The following EP400 variants were observed in gnomAD, a reference collection of about 807,000 sequenced individuals.
The protein encoded by EP400 is E1A binding protein p400.
A neutral mutation model predicts 354.1 loss-of-function variants in EP400; 105 were observed. The ratio of observed to expected loss-of-function variants is 0.30; its 90% confidence interval spans 0.25 to 0.35. The LOEUF is 0.35. Ranked by LOEUF, EP400 falls within the 10% of genes least tolerant of loss-of-function variation. The pLI is 1.00. For synonymous variants in EP400, 1,646 were observed against 1,716.9 expected (o/e 0.96, Z 1.02); for missense variants, 3,280 against 4,121.0 (o/e 0.80, Z 5.59).
intron 46 of EP400, 59 bp downstream of exon 46, chr12:132,062,382 C>T: frequency 6.2e-7 from 1 of 1,610,582 alleles, no homozygotes; most frequent in Non-Finnish European, 8.5e-7. Flanking sequence ...TGTGAGGGCT[C>T]AGCTGCTGCT....
chr12:132,026,795 TC>T (rs1894321833), intron 25 of EP400, among the ~76,000 whole-genome samples: 1 of 152,132 alleles, frequency 6.6e-6, no homozygotes, highest in African/African-American at 2.4e-5. Context: ...CTCTTGTTTT[TC>T]CCTAAGGTGA....
At position 131,995,079 on chromosome 12, in the gene EP400, C is replaced by T. The variant is rs564166616; in HGVS notation, c.2827+123C>T. Reference sequence around the variant, plus strand: ...AGTGCCTGTTTTATGGAAAACAGTCCCTGTGTGCCTCCTGCTGCTCTCTCT... The same window carrying T: ...AGTGCCTGTTTTATGGAAAACAGTCTCTGTGTGCCTCCTGCTGCTCTCTCT... On this transcript the variant is annotated intron_variant, in intron 12 of 52. Coordinates refer to ENST00000389561, the MANE Select transcript of EP400 (RefSeq NM_015409.5). 6.7e-5 allele frequency: 59 copies of T among 885,094 alleles called. No homozygotes were observed. The African/African-American group carries it at 9.3e-4, about 14-fold the overall frequency. The allele number at this position is 885,094 out of a possible 1,614,324, so 54.8% of individuals were successfully genotyped here.
Position 132,067,034 on chromosome 12 carries a change from C to T in EP400, c.8749+65C>T. ...CTGGTTTCACAGGCCTCTCTGGTGG[C>T]AGTGGTCGCCAGCGACCCGTGTTCT... On this transcript the variant is annotated intron_variant, in intron 49 of 52. Transcript: ENST00000389561. This position sits in a 1 kb window ranked among gnomAD's most constrained non-coding sequence, Gnocchi z 5.3. 4.1e-6 allele frequency: 6 copies of T among 1,460,086 alleles called. No individual in the cohort carries two copies. The South Asian group carries it at 4.3e-5, about 10-fold the overall frequency. The allele number at this position is 1,460,086 out of a possible 1,614,324, so 90.4% of individuals were successfully genotyped here.
rs1555223325 is a variant in EP400, at chr12:132,062,590, G to GCAGCAGCAGCAA, written c.8225_8226insGCAGCAGCAACA (p.Gln2745_Gln2748dup). The GCAGCAGCAGCAA allele has an allele frequency of 2.5e-6, 4 of 1,598,414 alleles. No individual in the cohort carries two copies. The highest frequency in any genetic ancestry group is 3.4e-6 in the Non-Finnish European group (4 of 1,169,956). On this transcript the variant is annotated inframe_insertion, in exon 47 of 53. Transcript: ENST00000389561. ...AGCAGCAGCAGCAGCAGCAGCAGCA[G>GCAGCAGCAGCAA]CAACAGCAGCAGCAGCAACAGACGA...
At chr12:132,043,096 A>G (rs1193297781) in intron 32 of EP400, among the ~76,000 whole-genome samples, 1 of 152,262 alleles carries the variant, frequency 6.6e-6, no homozygotes, top group African/African-American at 2.4e-5. Context: ...AGCAAGGCCC[A>G]GGAGGTTTCC....
chr12:132,044,405 C>T, intron 35 of EP400, 94 bp downstream of exon 35: 3 of 1,474,622 alleles, frequency 2.0e-6, no homozygotes, highest in East Asian at 2.4e-5. Context: ...TGTACATTGA[C>T]ATGAGAAAAT....
At chr12:132,021,552 C>T (rs1475473041) in intron 23 of EP400, among the ~76,000 whole-genome samples, 3 of 152,236 alleles carry the variant, frequency 2.0e-5, no homozygotes, top group East Asian at 1.9e-4. Context: ...CTCCTGACCC[C>T]GCCATCCAGC....
chr12:132,046,720 C>T (rs555394291), intron 39 of EP400, among the ~76,000 whole-genome samples: 7 of 152,348 alleles, frequency 4.6e-5, no homozygotes, highest in Admixed American at 1.3e-4. Flanking sequence ...TGTTCTGCAT[C>T]TGGCTTTCTT....
intron 2 of EP400, among the ~76,000 whole-genome samples, chr12:131,967,702 A>C (rs960487267): frequency 6.6e-6 from 1 of 152,036 alleles, no homozygotes; most frequent in Non-Finnish European, 1.5e-5. Context: ...AAAGAAAAAA[A>C]AAAAAAGATT....
chr12:131,960,389 C>T (rs1160930092), intron 1 of EP400, among the ~76,000 whole-genome samples, 196 bp from the exon 2 acceptor site: 2 of 152,182 alleles, frequency 1.3e-5, no homozygotes, highest in African/African-American at 2.4e-5. Context: ...CACCCACTCC[C>T]GTGTGGCCCA....
At chr12:132,023,492 A>T (rs1204955375) in intron 23 of EP400, among the ~76,000 whole-genome samples, 4 of 151,866 alleles carry the variant, frequency 2.6e-5, no homozygotes, top group Non-Finnish European at 5.9e-5. Context: ...TAGAAAAGTA[A>T]AATGTTCCTT....
intron 2 of EP400, among the ~76,000 whole-genome samples, chr12:131,969,684 G>GT (rs1892224843): frequency 6.6e-6 from 1 of 152,120 alleles, no homozygotes; most frequent in African/African-American, 2.4e-5. Flanking sequence ...AAAGAGCCTG[G>GT]TTCCTTTCGG....
At chr12:132,034,877 G>A (rs1038885578) in intron 30 of EP400, among the ~76,000 whole-genome samples, 3 of 152,050 alleles carry the variant, frequency 2.0e-5, no homozygotes, top group African/African-American at 7.3e-5. Context: ...GGAAGGGACC[G>A]CCTGACCCAC....
At position 132,067,714 on chromosome 12, in the gene EP400, A is replaced by G. The variant is rs537867919; in HGVS notation, c.8874+228A>G. On this transcript the variant is annotated intron_variant, in intron 50 of 52. Transcript: ENST00000389561. This position sits in a 1 kb window ranked among gnomAD's most constrained non-coding sequence, Gnocchi z 5.3. ...GTGAGGCTGAGGTCTTGGCAGGGGG[A>G]TGGAGGGGGTATAGTCTGTGAGGAT... Among the ~76,000 whole-genome samples the G allele has an allele frequency of 6.6e-6, 1 of 150,486 alleles. No homozygotes were observed. The highest frequency in any genetic ancestry group is 2.5e-5 in the African/African-American group (1 of 40,746).
At chr12:131,983,026 G>T (rs1356705099) in intron 5 of EP400, among the ~76,000 whole-genome samples, 1 of 151,640 alleles carries the variant, frequency 6.6e-6, no homozygotes, top group African/African-American at 2.4e-5. Flanking sequence ...GTCACTCTTA[G>T]TACCAGGGGT....
intron 12 of EP400, 153 bp downstream of exon 12, chr12:131,995,109 A>G: frequency 1.5e-6 from 1 of 670,400 alleles, no homozygotes; most frequent in Non-Finnish European, 2.5e-6. Flanking sequence ...CTCTCTCCTG[A>G]CCTGGAGGTC....
At chr12:132,028,490 C>T (rs947217900) in intron 27 of EP400, among the ~76,000 whole-genome samples, 11 of 152,156 alleles carry the variant, frequency 7.2e-5, no homozygotes, top group African/African-American at 2.4e-4. Context: ...GTGCCAGGTG[C>T]GGCTTCTGAA....
intron 30 of EP400, among the ~76,000 whole-genome samples, chr12:132,036,928 G>T (rs983783663): frequency 6.6e-6 from 1 of 152,018 alleles, no homozygotes; most frequent in African/African-American, 2.4e-5. Context: ...CCCTATGATG[G>T]TTTCTCTTTA....
chr12:131,986,451 G>GGCACCGTGGGCTGC, intron 5 of EP400, 63 bp from the exon 6 acceptor site: 13 of 1,509,414 alleles, frequency 8.6e-6, no homozygotes, highest in Non-Finnish European at 1.1e-5. Context: ...TCAGGTATTT[G>GGCACCGTGGGCTGC]GCACCGTGGG....
Sources: gnomAD v4.1 joint callset for allele counts (sites outside exome capture counted in the v4.1 genomes callset) on GRCh38, gnomAD v4.1.1 for gene constraint, Gnocchi (gnomAD v3.1) non-coding constraint, MANE v1.5 for transcripts, NCBI Gene and HGNC (gene_info 2026-07-23, HGNC 2026-07-21) for gene names.